HSD17B12: variants seen among roughly 807,000 people sequenced by gnomAD.
HSD17B12 encodes the protein hydroxysteroid 17-beta dehydrogenase 12, also known as very-long-chain 3-oxoacyl-CoA reductase.
A neutral mutation model predicts 39.3 loss-of-function variants in HSD17B12; 32 were observed. The observed-to-expected ratio is 0.81, with a 90% confidence interval of 0.61 to 1.09. HSD17B12 has a LOEUF of 1.09. Among genes scored for constraint, HSD17B12 ranks in the 50% least tolerant of loss-of-function variants. The pLI is 0.00. For missense variants in HSD17B12, 342 were observed against 382.9 expected, an observed-to-expected ratio of 0.89 and a Z score of 0.89; for synonymous variants, 150 against 146.7, an observed-to-expected ratio of 1.02 and a Z score of -0.16.
At chr11:43,661,170 T>C in the HSD17B12 span, among the ~76,000 whole-genome samples, 1,140 of 152,238 alleles carry the variant, frequency 7.5e-3, 10 homozygotes, top group African/African-American at 0.026. Context: ...ACACCACAGC[T>C]TAATCTCAAT....
the HSD17B12 span, among the ~76,000 whole-genome samples, chr11:43,673,950 G>C: frequency 2.6e-5 from 4 of 152,138 alleles, no homozygotes; most frequent in Non-Finnish European, 5.9e-5. Context: ...ATGGGGTTAA[G>C]AGTAGTACCT....
intron 3 of HSD17B12, among the ~76,000 whole-genome samples, chr11:43,788,685 CAAAAAAAAA>C (rs57970272): frequency 9.7e-4 from 98 of 100,904 alleles, no homozygotes; most frequent in African/African-American, 3.4e-3. Context: ...TTTCCTTCCT[CAAAAAAAAA>C]AAAAAAAAAA....
the HSD17B12 span, among the ~76,000 whole-genome samples, chr11:43,621,180 C>A: frequency 2.0e-5 from 3 of 152,120 alleles, no homozygotes; most frequent in East Asian, 5.8e-4. Flanking sequence ...CAGAGTCAAG[C>A]AACTGACATG....
At chr11:43,622,734 G>T in the HSD17B12 span, among the ~76,000 whole-genome samples, 1 of 151,918 alleles carries the variant, frequency 6.6e-6, no homozygotes, top group African/African-American at 2.4e-5. Flanking sequence ...TGATTTTACT[G>T]GTTTATGCAC....
At chr11:43,693,853 G>A (rs1207336808) in intron 1 of HSD17B12, among the ~76,000 whole-genome samples, 1 of 152,168 alleles carries the variant, frequency 6.6e-6, no homozygotes, top group Non-Finnish European at 1.5e-5. Flanking sequence ...CTCTAGTCCT[G>A]TAGAAGCAGT....
chr11:43,564,556 G>A, the HSD17B12 span, among the ~76,000 whole-genome samples: 4 of 152,166 alleles, frequency 2.6e-5, no homozygotes, highest in East Asian at 3.9e-4. Context: ...GTTGCAGCAT[G>A]ATGAAGGCTG....
In HSD17B12 at chr11:43,777,280, G is replaced by C. The variant is rs11037627; in HGVS notation, c.284-21040G>C. Among the ~76,000 whole-genome samples the C allele has an allele frequency of 4.1e-3, 616 of 151,998 alleles. 5 individuals carry two copies. The East Asian group carries it at 0.044, about 11-fold the overall frequency. On this transcript the variant is annotated intron_variant, in intron 3 of 10. Transcript: ENST00000278353. ...ATTTGTTTGTATCCTCTTTTATTTC[G>C]TTGAGCAGTGGTTTGTAGTTCTCCT... is the stretch of plus-strand genomic sequence containing the variant.
intron 1 of HSD17B12, among the ~76,000 whole-genome samples, chr11:43,709,563 A>G (rs948909911): frequency 1.3e-5 from 2 of 152,196 alleles, no homozygotes; most frequent in South Asian, 4.1e-4. Context: ...GGTAGGATGT[A>G]TTCAGTTTTT....
the HSD17B12 span, among the ~76,000 whole-genome samples, chr11:43,602,929 C>T: frequency 2.0e-5 from 3 of 152,012 alleles, no homozygotes; most frequent in South Asian, 2.1e-4. Flanking sequence ...GTCAGGGTTA[C>T]GATGCAATCC....
At chr11:43,839,398 G>A (rs1451784992) in intron 8 of HSD17B12, among the ~76,000 whole-genome samples, 1 of 152,072 alleles carries the variant, frequency 6.6e-6, no homozygotes, top group Non-Finnish European at 1.5e-5. Flanking sequence ...GACTAATTAG[G>A]ACCCTTGAAA....
chr11:43,816,791 C>G (rs186306284), intron 6 of HSD17B12, among the ~76,000 whole-genome samples: 2 of 151,750 alleles, frequency 1.3e-5, no homozygotes, highest in African/African-American at 2.4e-5. Context: ...CCTGAGTCCC[C>G]GAAGTCCATT....
intron 3 of HSD17B12, among the ~76,000 whole-genome samples, chr11:43,768,912 A>G (rs989024490): frequency 6.6e-6 from 1 of 152,184 alleles, no homozygotes; most frequent in Admixed American, 6.5e-5. Flanking sequence ...TGATTGGTGC[A>G]TTTACAATCC....
intron 1 of HSD17B12, among the ~76,000 whole-genome samples, chr11:43,744,403 G>A (rs1950395591): frequency 6.6e-6 from 1 of 152,134 alleles, no homozygotes; most frequent in African/African-American, 2.4e-5. Flanking sequence ...TAAGAATGGT[G>A]AAACATTTTA....
At chr11:43,636,450 C>CTAAG in the HSD17B12 span, among the ~76,000 whole-genome samples, 1 of 152,078 alleles carries the variant, frequency 6.6e-6, no homozygotes, top group Admixed American at 6.5e-5. Flanking sequence ...AGGTCCTGGA[C>CTAAG]TAAGAAACAT....
At chr11:43,616,421 A>T in the HSD17B12 span, among the ~76,000 whole-genome samples, 1 of 139,144 alleles carries the variant, frequency 7.2e-6, no homozygotes, top group South Asian at 2.1e-4. Context: ...AAAAAAACAA[A>T]AAACAAAAAA....
chr11:43,818,531 A>C (rs1431440522), intron 6 of HSD17B12, among the ~76,000 whole-genome samples: 1 of 152,252 alleles, frequency 6.6e-6, no homozygotes. Flanking sequence ...GCAGTGTCAG[A>C]TACTTGAAAT....
chr11:43,713,226 C>A (rs1017427298), intron 1 of HSD17B12, among the ~76,000 whole-genome samples: 2 of 152,114 alleles, frequency 1.3e-5, no homozygotes, highest in Admixed American at 6.5e-5. Context: ...GTGTGCTACA[C>A]CCATGAACTC....
At chr11:43,744,924 G>A (rs1950399950) in intron 1 of HSD17B12, among the ~76,000 whole-genome samples, 1 of 152,210 alleles carries the variant, frequency 6.6e-6, no homozygotes, top group Non-Finnish European at 1.5e-5. Flanking sequence ...TTGTCCCTGA[G>A]TGTGGCCTCG....
intron 3 of HSD17B12, among the ~76,000 whole-genome samples, chr11:43,761,281 C>T (rs543229818): frequency 6.6e-6 from 1 of 152,076 alleles, no homozygotes; most frequent in Non-Finnish European, 1.5e-5. Context: ...TGAGACAATG[C>T]AAATAATTAC....
Sources: allele counts gnomAD v4.1 joint callset (sites outside exome capture counted in the v4.1 genomes callset), GRCh38; gene constraint gnomAD v4.1.1; transcripts MANE v1.5; gene names NCBI Gene and HGNC (gene_info 2026-07-23, HGNC 2026-07-21).